LZIC: variants seen among roughly 807,000 people sequenced by gnomAD.
The protein encoded by LZIC is protein LZIC.
Under a neutral mutation model 25.4 loss-of-function variants are expected in LZIC, and 28 were observed. The ratio of observed to expected loss-of-function variants is 1.10; its 90% CI spans 0.82 to 1.51. The LOEUF is 1.51. LZIC is among the 40% of genes most tolerant of loss of function. The pLI, the probability that LZIC is intolerant of heterozygous loss-of-function variation, is 0.00. For synonymous variants in LZIC, 65 were observed against 70.7 expected (o/e 0.92, Z 0.40); for missense variants, 170 against 211.1 (o/e 0.81, Z 1.21).
In LZIC at chr1:9,929,728, G is replaced by C. The variant is rs1640130422; in HGVS notation, c.*671C>G. 10 of 985,268 alleles carry C rather than the reference G, an allele frequency of 1.0e-5. No individual in the cohort carries two copies. In the South Asian group the frequency reaches 4.7e-4, roughly 46 times the overall value. 61.0% of individuals were successfully genotyped at this position (985,268 alleles called of 1,614,324 possible). A position where few individuals can be genotyped will look rare whatever the true frequency, so the allele number is the denominator to read the frequency against. ...CTGGGGGATGGTCCCTTAGTGTGCA[G>C]TCCACTTTTTATTGGGACACTGAAT... is the stretch of plus-strand genomic sequence containing the variant. On this transcript the variant is annotated 3_prime_UTR_variant, in exon 8 of 8. Coordinates refer to ENST00000377223, the MANE Select transcript of LZIC (RefSeq NM_032368.5).
At position 9,932,804 on chromosome 1, in the gene LZIC, T is replaced by C. The variant is rs775781998; in HGVS notation, c.431A>G (p.Lys144Arg). ...AACTAATATATTAAATACTGGTACC[T>C]TCTCTCCAAGTTTCCTAAGAGCTGT... is the stretch of plus-strand genomic sequence containing the variant. Reference protein sequence around the residue: ...ILTALRKLGEKLTADDEAFLS... With the variant: ...ILTALRKLGERLTADDEAFLS... Residue 144 changes from lysine (K) to arginine (R), a missense_variant and splice_region_variant, in exon 6 of 8, where the codon AAG (lysine) becomes AGG (arginine). Lys to Arg is a conservative substitution (Grantham distance 26). Transcript: ENST00000377223. 33 of 1,567,748 alleles carry C rather than the reference T, an allele frequency of 2.1e-5. 2 individuals are homozygous for C. In the South Asian group the frequency reaches 3.7e-4, roughly 17 times the overall value.
At position 9,936,566 on chromosome 1, in the gene LZIC, T is replaced by C. The variant is rs1302111665; in HGVS notation, c.54A>G (p.Glu18=). The C allele has an allele frequency of 6.2e-7, 1 of 1,613,826 alleles. No homozygotes were observed. The highest frequency in any genetic ancestry group is 2.2e-5 in the East Asian group (1 of 44,888). Reference sequence around the variant, plus strand: ...ATTGTTGCATGAGTCTATCCAACTGTTCTTCTAAATTCTGCTTTAATTTGC... The same window carrying C: ...ATTGTTGCATGAGTCTATCCAACTGCTCTTCTAAATTCTGCTTTAATTTGC... ...ETSKLKQNLE[E]QLDRLMQQLQ... is the part of the protein sequence containing the mutation. The change falls in exon 3 of 8, where the codon GAA becomes GAG. Residue 18 remains glutamate (E), a synonymous_variant. Transcript: ENST00000377223.
chr1:9,941,729 C>T (rs1640749345), intron 2 of LZIC, among the ~76,000 whole-genome samples: 1 of 150,494 alleles, frequency 6.6e-6, no homozygotes. Flanking sequence ...GATCTCTTGC[C>T]CTCGTGATCT....
intron 2 of LZIC, among the ~76,000 whole-genome samples, chr1:9,937,451 A>T (rs1194443036): frequency 6.6e-6 from 1 of 151,758 alleles, no homozygotes; most frequent in African/African-American, 2.4e-5. Flanking sequence ...AGGCTGAGGC[A>T]GCAGGCTTGC....
In LZIC at chr1:9,942,634, G is replaced by C; in HGVS notation, c.-19C>G. The C allele has an allele frequency of 7.8e-7, 1 of 1,285,092 alleles. No homozygotes were observed. Among genetic ancestry groups the C allele is most frequent in the Non-Finnish European group, 1.0e-6 (1 of 985,384 alleles). 79.6% of individuals were successfully genotyped at this position (1,285,092 alleles called of 1,614,324 possible). On this transcript the variant is annotated 5_prime_UTR_variant, in exon 2 of 8. An upstream open reading frame in the 5' UTR gains an earlier in-frame stop. Transcript: ENST00000377223. ...CTCATTCATGCTCACCTGTCTCTTA[G>C]TACTCTGATCTCTGCACAGTGCCGA...
chr1:9,931,923 A>C lies in LZIC; in HGVS notation c.482T>G (p.Leu161Arg), dbSNP rs769251108. ...TGTAGAGACTTTCTCAAACTGGCTG[A>C]GTATAGCACCTGCATTTGCTGACAA... ...AFLSANAGAI[L>R]SQFEKVSTDL... Residue 161 changes from leucine to arginine, a missense_variant, in exon 7 of 8, where the codon CTC (leucine) becomes CGC (arginine). By Grantham distance (102) the Leu-to-Arg change is moderately radical. Transcript: ENST00000377223. 15 of 1,613,854 alleles carry C rather than the reference A, an allele frequency of 9.3e-6. No homozygotes were observed. The highest frequency in any genetic ancestry group is 1.1e-5 in the Non-Finnish European group (13 of 1,179,886).
intron 2 of LZIC, among the ~76,000 whole-genome samples, chr1:9,940,343 A>AT (rs1012421423): frequency 4.0e-5 from 6 of 151,532 alleles, no homozygotes; most frequent in East Asian, 2.0e-4. Context: ...CGCCCAGCTT[A>AT]TTTTTTTTGT....
intron 2 of LZIC, among the ~76,000 whole-genome samples, chr1:9,939,542 C>CTTTTT (rs34837155): frequency 1.2e-3 from 101 of 81,932 alleles, no homozygotes; most frequent in Admixed American, 5.5e-3. Context: ...CCACATCTGC[C>CTTTTT]TTTTTTTTTT....
In LZIC at chr1:9,926,958, C is replaced by A. The variant is rs1640005072; in HGVS notation, c.*3441G>T. On this transcript the variant is annotated 3_prime_UTR_variant, in exon 8 of 8. Coordinates refer to ENST00000377223, the MANE Select transcript of LZIC (RefSeq NM_032368.5). The stretch of plus-strand genomic sequence containing the variant: ...GTGAAACAAAATATATCCTATGGTG[C>A]TTAGAATGGTTGTTAAATGGTGAGT... Among the ~76,000 whole-genome samples, 1 of 152,126 alleles carries A rather than the reference C, an allele frequency of 6.6e-6. No individual in the cohort carries two copies. The highest frequency in any genetic ancestry group is 1.5e-5 in the Non-Finnish European group (1 of 68,024).
At chr1:9,931,296 T>C (rs925930449) in intron 7 of LZIC, among the ~76,000 whole-genome samples, 2 of 152,054 alleles carry the variant, frequency 1.3e-5, no homozygotes, top group African/African-American at 2.4e-5. Flanking sequence ...TGAGTCTCGC[T>C]CTGTCGCCCA....
chr1:9,924,943 A>AG (rs899818304), downstream of LZIC, among the ~76,000 whole-genome samples: 19 of 152,156 alleles, frequency 1.2e-4, no homozygotes, highest in Middle Eastern at 3.4e-3. Flanking sequence ...GAGGTTTTGC[A>AG]GGGGGGGCTT....
intron 2 of LZIC, among the ~76,000 whole-genome samples, chr1:9,941,882 GAATT>G (rs1640758812): frequency 6.6e-6 from 1 of 152,096 alleles, no homozygotes; most frequent in South Asian, 2.1e-4. Context: ...TGAATAATGA[GAATT>G]GATTGCTTCT....
In LZIC at chr1:9,943,327, T is replaced by C. The variant is rs1163667319; in HGVS notation, c.-246A>G. The C allele has an allele frequency of 1.3e-5, 2 of 153,334 alleles. No homozygotes were observed. The highest frequency in any genetic ancestry group is 4.8e-5 in the African/African-American group (2 of 41,456). The allele number at this position is 153,334 out of a possible 1,614,324, so 9.5% of individuals were successfully genotyped here. A position where few individuals can be genotyped will look rare whatever the true frequency, so the allele number is the denominator to read the frequency against. On this transcript the variant is annotated 5_prime_UTR_variant, in exon 1 of 8. Coordinates refer to ENST00000377223, the MANE Select transcript of LZIC (RefSeq NM_032368.5). ...CTGACCGCCCGCCAGTCCCAGAGTT[T>C]AGGGCCAGGGGCCCCGCCTACCTGA...
At chr1:9,933,596 A>C (rs1368466764) in intron 5 of LZIC, among the ~76,000 whole-genome samples, 1 of 152,072 alleles carries the variant, frequency 6.6e-6, no homozygotes, top group Non-Finnish European at 1.5e-5. Context: ...ACCTAGGCAC[A>C]AAGGGGATGA....
Position 9,931,953 on chromosome 1 carries a change from G to A in LZIC, c.452C>T (p.Ala151Val). The change falls in exon 7 of 8, where the codon GCC becomes GTC. Residue 151 changes from alanine (A) to valine (V), a missense_variant. By Grantham distance (64) the Ala-to-Val change is moderately conservative (BLOSUM62 0). Transcript: ENST00000377223. ...AGCACCTGCATTTGCTGACAAGAAGGCCTCATCATCTGCAGTCAGCTAAAC... is the reference window on the plus strand; with the variant it reads ...AGCACCTGCATTTGCTGACAAGAAGACCTCATCATCTGCAGTCAGCTAAAC... Reference protein sequence around the residue: ...LGEKLTADDEAFLSANAGAIL... With the variant: ...LGEKLTADDEVFLSANAGAIL... 1 of 1,613,686 alleles carries A rather than the reference G, an allele frequency of 6.2e-7. No individual in the cohort carries two copies. The highest frequency in any genetic ancestry group is 8.5e-7 in the Non-Finnish European group (1 of 1,179,764).
chr1:9,933,600 G>A (rs1250830071), intron 5 of LZIC, among the ~76,000 whole-genome samples: 2 of 151,968 alleles, frequency 1.3e-5, no homozygotes, highest in African/African-American at 4.8e-5. Context: ...AGGCACAAAG[G>A]GGATGAATAA....
chr1:9,936,389 C>T, intron 3 of LZIC, 130 bp downstream of exon 3: 1 of 619,680 alleles, frequency 1.6e-6, no homozygotes. Context: ...GTTTACTTCT[C>T]TAATAGACAA....
chr1:9,934,669 A>G, intron 5 of LZIC, 93 bp downstream of exon 5: 13 of 1,051,978 alleles, frequency 1.2e-5, no homozygotes, highest in Non-Finnish European at 1.9e-5. Context: ...CTCTAAAATC[A>G]CCTGGCAAAT....
In LZIC at chr1:9,929,638, T is replaced by TCC; in HGVS notation, c.*759_*760dup. On this transcript the variant is annotated 3_prime_UTR_variant, in exon 8 of 8. Coordinates refer to ENST00000377223, the MANE Select transcript of LZIC (RefSeq NM_032368.5). ...CACTTTAGGAAACGCTCAACAGGGC[T>TCC]CCCATTGTTCCAACCTCAAAATTCC... The TCC allele has an allele frequency of 1.0e-6, 1 of 985,400 alleles. No homozygotes were observed. Among genetic ancestry groups the TCC allele is most frequent in the Non-Finnish European group, 1.2e-6 (1 of 829,938 alleles). The allele number at this position is 985,400 out of a possible 1,614,324, so 61.0% of individuals were successfully genotyped here.
Sources: allele counts gnomAD v4.1 joint callset (sites outside exome capture counted in the v4.1 genomes callset), GRCh38; gene constraint gnomAD v4.1.1; transcripts MANE v1.5; gene names NCBI Gene and HGNC (gene_info 2026-07-23, HGNC 2026-07-21).